CD200R1L: variants seen among roughly 807,000 people sequenced by gnomAD.
CD200R1L encodes the protein CD200 receptor 1 like, also known as cell surface glycoprotein CD200 receptor 2.
Under a neutral mutation model 24.8 loss-of-function variants are expected in CD200R1L, and 14 were observed. The observed-to-expected ratio is 0.56, with a 90% CI of 0.37 to 0.88. The LOEUF is 0.88. Among genes scored for constraint, CD200R1L ranks in the 40% least tolerant of loss-of-function variants. The pLI, the probability that CD200R1L is intolerant of heterozygous loss-of-function variation, is 0.00. For synonymous variants in CD200R1L, 111 were observed against 109.2 expected, an observed-to-expected ratio of 1.02 and a Z score of -0.11; for missense variants, 299 against 297.8, an observed-to-expected ratio of 1.00 and a Z score of -0.03.
At chr3:112,825,106 G>A (rs1332816034) in intron 6 of CD200R1L, among the ~76,000 whole-genome samples, 1 of 152,068 alleles carries the variant, frequency 6.6e-6, no homozygotes, top group Non-Finnish European at 1.5e-5. Flanking sequence ...AGGCGTGGTG[G>A]TGGGCGCCTG....
Position 112,845,718 on chromosome 3 carries a change from C to G in CD200R1L, c.-126G>C. 4 of 1,613,042 alleles carry G rather than the reference C, an allele frequency of 2.5e-6. No individual in the cohort carries two copies. Among genetic ancestry groups the G allele is most frequent in the Non-Finnish European group, 3.4e-6 (4 of 1,179,310 alleles). ...ATGATGGAAATCAGTAATCTTGGAG[C>G]TGACATCTTCCCTAAAGTATGCTTT... On this transcript the variant is annotated 5_prime_UTR_variant, in exon 2 of 8. Coordinates refer to ENST00000488794, the MANE Select transcript of CD200R1L (RefSeq NM_001199215.3).
chr3:112,843,466 G>C (rs754602265), intron 2 of CD200R1L, among the ~76,000 whole-genome samples: 2 of 152,162 alleles, frequency 1.3e-5, no homozygotes, highest in African/African-American at 4.8e-5. Context: ...TCCAAACTAA[G>C]CTTCATAAGC....
At chr3:112,845,270 C>T (rs1939175327) in intron 2 of CD200R1L, among the ~76,000 whole-genome samples, 1 of 152,218 alleles carries the variant, frequency 6.6e-6, no homozygotes, top group Non-Finnish European at 1.5e-5. Flanking sequence ...TCTATGCACA[C>T]ACACTAGAAA....
At chr3:112,838,184 A>C (rs556737519) in intron 2 of CD200R1L, among the ~76,000 whole-genome samples, 174 bp from the exon 3 acceptor site, 1 of 151,938 alleles carries the variant, frequency 6.6e-6, no homozygotes, top group Non-Finnish European at 1.5e-5. Context: ...CAGCAGTGAG[A>C]CCATAACTAG....
At chr3:112,820,174 G>A (rs1457310342) in intron 6 of CD200R1L, among the ~76,000 whole-genome samples, 2 of 152,126 alleles carry the variant, frequency 1.3e-5, no homozygotes, top group Non-Finnish European at 2.9e-5. Flanking sequence ...AATTTTATAA[G>A]AAAAGCAATA....
intron 3 of CD200R1L, among the ~76,000 whole-genome samples, chr3:112,833,201 C>T (rs1298245551): frequency 1.3e-5 from 2 of 152,178 alleles, no homozygotes; most frequent in Non-Finnish European, 2.9e-5. Flanking sequence ...CTGCTCTGAC[C>T]CTCTAATAGG....
At chr3:112,818,112 C>T (rs1938440485) in intron 7 of CD200R1L, among the ~76,000 whole-genome samples, 1 of 152,194 alleles carries the variant, frequency 6.6e-6, no homozygotes, top group South Asian at 2.1e-4. Context: ...AGATACAATT[C>T]AAGTTGAGAT....
intron 2 of CD200R1L, 137 bp from the exon 3 acceptor site, chr3:112,838,147 C>A: frequency 3.4e-6 from 1 of 295,786 alleles, no homozygotes; most frequent in Non-Finnish European, 6.2e-6. Flanking sequence ...AATAATCACA[C>A]CAAAAAAACC....
chr3:112,819,655 G>A, intron 7 of CD200R1L, 117 bp downstream of exon 7: 2 of 1,094,188 alleles, frequency 1.8e-6, no homozygotes, highest in South Asian at 3.9e-5. Context: ...GCTGGAGGGA[G>A]AATACAACAT....
intron 2 of CD200R1L, among the ~76,000 whole-genome samples, chr3:112,842,891 A>G (rs141888117): frequency 0.038 from 5,808 of 152,232 alleles, 132 homozygotes; most frequent in South Asian, 0.058. Context: ...AAGACAATAC[A>G]TGCACCGCTG....
rs1462822355 is a variant in CD200R1L at position 112,827,170 on chromosome 3, C to T, written c.439G>A (p.Ala147Thr). ...TCTGGGATCCAGGAGATCTGGGCAG[C>T]TGGCTTCCCTGTAACTGCCTTGCAT... Reference protein sequence around the residue: ...AVCKAVTGKPAAQISWIPEGS... With the variant: ...AVCKAVTGKPTAQISWIPEGS... The change falls in exon 6 of 8, where the codon GCT (alanine) becomes ACT (threonine). Residue 147 changes from alanine to threonine, a missense_variant. Physicochemically the swap from Ala to Thr is moderately conservative, Grantham distance 58. Coordinates refer to ENST00000488794, the MANE Select transcript of CD200R1L (RefSeq NM_001199215.3). The T allele has an allele frequency of 1.2e-6, 2 of 1,613,518 alleles. No homozygotes were observed. Among genetic ancestry groups the T allele is most frequent in the Non-Finnish European group, 8.5e-7 (1 of 1,180,008 alleles).
At chr3:112,833,185 C>T (rs112678591) in intron 3 of CD200R1L, among the ~76,000 whole-genome samples, 39 of 152,312 alleles carry the variant, frequency 2.6e-4, no homozygotes, top group African/African-American at 4.3e-4. Flanking sequence ...TGCATATTTG[C>T]GATTACTGCT....
At chr3:112,828,293 ATTTAGATAATTACATGTTTTG>A (rs1559922833) in intron 4 of CD200R1L, among the ~76,000 whole-genome samples, 1 of 152,182 alleles carries the variant, frequency 6.6e-6, no homozygotes, top group African/African-American at 2.4e-5. Context: ...GACATGTTTT[ATTTAGATAATTACATGTTTTG>A]TTTAGAGAAT....
chr3:112,829,429 C>A (rs758275027), intron 3 of CD200R1L, 45 bp from the exon 4 acceptor site: 37 of 1,542,534 alleles, frequency 2.4e-5, no homozygotes, highest in Non-Finnish European at 3.0e-5. Context: ...ATTTTATGTA[C>A]TCAGAATGGA....
At chr3:112,833,309 A>C (rs1177201967) in intron 3 of CD200R1L, among the ~76,000 whole-genome samples, 1 of 152,226 alleles carries the variant, frequency 6.6e-6, no homozygotes, top group Non-Finnish European at 1.5e-5. Context: ...AATCAGGCAG[A>C]TCTGTGATAC....
intron 3 of CD200R1L, among the ~76,000 whole-genome samples, chr3:112,830,498 G>GTTTTTT (rs11391916): frequency 2.9e-5 from 3 of 102,038 alleles, no homozygotes; most frequent in East Asian, 3.3e-4. Flanking sequence ...TGTCATTGCA[G>GTTTTTT]TTTTTTTTTT....
At chr3:112,837,748 C>T (rs555142921) in intron 3 of CD200R1L, among the ~76,000 whole-genome samples, 194 bp downstream of exon 3, 2 of 151,802 alleles carry the variant, frequency 1.3e-5, no homozygotes, top group African/African-American at 2.4e-5. Flanking sequence ...TTTTTGTGTG[C>T]TACTAAGAAA....
At position 112,815,799 on chromosome 3, in the gene CD200R1L, A is replaced by G; in HGVS notation, c.*164T>C. 1.7e-6 allele frequency: 1 copy of G among 597,778 alleles called. No homozygotes were observed. The highest frequency in any genetic ancestry group is 3.0e-6 in the Non-Finnish European group (1 of 328,304). The allele number at this position is 597,778 out of a possible 1,614,324, so 37.0% of individuals were successfully genotyped here. ...TTATAGGGAAACTTCATGGTCATCA[A>G]GCCCAGGATCCTTCTTCCATCTTTC... On this transcript the variant is annotated 3_prime_UTR_variant, in exon 8 of 8. Coordinates refer to ENST00000488794, the MANE Select transcript of CD200R1L (RefSeq NM_001199215.3).
chr3:112,842,350 C>G (rs1939102529), intron 2 of CD200R1L, among the ~76,000 whole-genome samples: 1 of 152,210 alleles, frequency 6.6e-6, no homozygotes, highest in Non-Finnish European at 1.5e-5. Context: ...TTTATAATTT[C>G]TTATGCCTGT....
Sources: allele counts gnomAD v4.1 joint callset (sites outside exome capture counted in the v4.1 genomes callset), GRCh38; gene constraint gnomAD v4.1.1; transcripts MANE v1.5; gene names NCBI Gene and HGNC (gene_info 2026-07-23, HGNC 2026-07-21).